Variants in MME observed in about 807,000 individuals in gnomAD.
MME encodes the protein neprilysin.
In MME, 98 loss-of-function variants were observed where a neutral mutation model predicts 113.2. The observed-to-expected ratio is 0.87, with a 90% CI of 0.74 to 1.02. The LOEUF (loss-of-function observed/expected upper bound fraction) is 1.02, where lower values mean the gene tolerates loss of function less well. MME is among the 50% of genes least tolerant of loss of function. The pLI is 0.00. For synonymous variants in MME, 292 were observed against 300.6 expected (o/e 0.97, Z 0.30); for missense variants, 836 against 896.0 (o/e 0.93, Z 0.86).
intron 1 of MME, among the ~76,000 whole-genome samples, chr3:155,038,269 G>A (rs1713191929): frequency 6.6e-6 from 1 of 152,152 alleles, no homozygotes; most frequent in African/African-American, 2.4e-5. Context: ...CTTAGGCCAT[G>A]GCAGGACTAC....
At chr3:155,053,935 A>G (rs1445479287) in intron 1 of MME, among the ~76,000 whole-genome samples, 1 of 152,204 alleles carries the variant, frequency 6.6e-6, no homozygotes, top group Non-Finnish European at 1.5e-5. Flanking sequence ...CTTGCTTCAA[A>G]CCAGTAACCC....
chr3:155,132,867 A>G (rs2108292640), intron 8 of MME, among the ~76,000 whole-genome samples: 1 of 151,428 alleles, frequency 6.6e-6, no homozygotes, highest in East Asian at 1.9e-4. Context: ...CAGCCTGACC[A>G]ACGTAGTGAA....
At chr3:155,044,382 C>T (rs528977614) in intron 1 of MME, among the ~76,000 whole-genome samples, 1 of 152,134 alleles carries the variant, frequency 6.6e-6, no homozygotes, top group South Asian at 2.1e-4. Flanking sequence ...ATCCACCTGC[C>T]TCGGCCTCCC....
chr3:155,079,452 GGGAA>G (rs1714916067), upstream of MME, among the ~76,000 whole-genome samples: 1 of 152,096 alleles, frequency 6.6e-6, no homozygotes, highest in African/African-American at 2.4e-5. Context: ...AAGCCCTTTT[GGGAA>G]TGGTGAGATG....
chr3:155,084,276 C>T lies in MME; in HGVS notation c.109C>T (p.Leu37Phe). The T allele has an allele frequency of 6.2e-7, 1 of 1,614,182 alleles. No individual in the cohort carries two copies. The highest frequency in any genetic ancestry group is 2.2e-5 in the East Asian group (1 of 44,874). Reference protein sequence around the residue: ...LEISLSVLVLLLTIIAVTMIA... With the variant: ...LEISLSVLVLFLTIIAVTMIA... ...GATCAGCCTCTCGGTCCTTGTCCTG[C>T]TCCTCACCATCATAGCTGTGACAAT... Residue 37 changes from leucine to phenylalanine, a missense_variant, in exon 2 of 23, where the codon CTC (leucine) becomes TTC (phenylalanine). By Grantham distance (22) the Leu-to-Phe change is conservative. Transcript: ENST00000360490.
At chr3:155,046,617 G>A (rs993637277) in intron 1 of MME, among the ~76,000 whole-genome samples, 8 of 152,180 alleles carry the variant, frequency 5.3e-5, no homozygotes, top group African/African-American at 1.9e-4. Flanking sequence ...TTGAACCCAG[G>A]AGGCAGAGGT....
intron 22 of MME, among the ~76,000 whole-genome samples, 182 bp downstream of exon 22, chr3:155,172,794 T>C (rs61760410): frequency 0.021 from 3,251 of 151,642 alleles, 74 homozygotes; most frequent in East Asian, 0.12. Flanking sequence ...AAGCATAGCC[T>C]TGGCCACTCT....
chr3:155,148,562 G>C lies in MME; in HGVS notation c.1510G>C (p.Glu504Gln). ...NNEYLELNYK[E>Q]DEYFENIIQN... is the part of the protein sequence containing the mutation. ...CTTTATAATACAGTTGAACTACAAA[G>C]AAGATGAATACTTCGAGAACATAAT... Residue 504 changes from glutamate to glutamine, a missense_variant, in exon 16 of 23, where the codon GAA (glutamate) becomes CAA (glutamine). Physicochemically the swap from Glu to Gln is conservative, Grantham distance 29 (BLOSUM62 2). Transcript: ENST00000360490. 6.2e-7 allele frequency: 1 copy of C among 1,603,154 alleles called. No homozygotes were observed.
At chr3:155,044,353 G>A (rs1713471547) in intron 1 of MME, among the ~76,000 whole-genome samples, 3 of 151,648 alleles carry the variant, frequency 2.0e-5, no homozygotes, top group Non-Finnish European at 4.4e-5. Flanking sequence ...GGCTGGTCTT[G>A]AACTCCTGAT....
At chr3:155,150,580 G>A (rs2108329762) in intron 16 of MME, among the ~76,000 whole-genome samples, 1 of 152,156 alleles carries the variant, frequency 6.6e-6, no homozygotes, top group East Asian at 1.9e-4. Flanking sequence ...CAAAACTCTA[G>A]CTGCACATGA....
intron 14 of MME, among the ~76,000 whole-genome samples, chr3:155,144,917 T>C (rs1721390748): frequency 6.6e-6 from 1 of 152,182 alleles, no homozygotes; most frequent in Admixed American, 6.5e-5. Context: ...GGGGAACATG[T>C]CCTGTGAAAA....
At position 155,174,325 on chromosome 3, in the gene MME, C is replaced by CGTGTGT. The variant is rs3839085; in HGVS notation, c.2153+1763_2153+1768dup. ...TATTTTTCATTCATAACAACAGAAG[C>CGTGTGT]GTGTGTGTGTGTGTGTGTGTGTGTG... On this transcript the variant is annotated intron_variant, in intron 22 of 22. Coordinates refer to ENST00000360490, the MANE Select transcript of MME (RefSeq NM_007289.4). Among the ~76,000 whole-genome samples, 603 of 110,310 alleles carry CGTGTGT rather than the reference C, an allele frequency of 5.5e-3. 7 individuals are homozygous for CGTGTGT. The highest frequency in any genetic ancestry group is 9.8e-3 in the East Asian group (38 of 3,884). The allele number at this position is 110,310 out of a possible 152,430, so 72.4% of individuals were successfully genotyped here. A position where few individuals can be genotyped will look rare whatever the true frequency, so the allele number is the denominator to read the frequency against.
At chr3:155,026,769 C>T (rs1712800940) in intron 1 of MME, among the ~76,000 whole-genome samples, 1 of 152,100 alleles carries the variant, frequency 6.6e-6, no homozygotes, top group Non-Finnish European at 1.5e-5. Context: ...AAAAAGAAGC[C>T]TCTTAAGTAA....
intron 9 of MME, among the ~76,000 whole-genome samples, chr3:155,139,903 T>G (rs952418600): frequency 9.2e-5 from 14 of 152,192 alleles, no homozygotes; most frequent in Admixed American, 3.3e-4. Context: ...CCATTAGCCA[T>G]AGCTCATAAA....
chr3:155,048,208 C>T (rs968182698), intron 1 of MME, among the ~76,000 whole-genome samples: 1 of 152,092 alleles, frequency 6.6e-6, no homozygotes, highest in Admixed American at 6.6e-5. Flanking sequence ...CTAATTTTCT[C>T]CTTCCTAAGA....
chr3:155,131,508 C>A (rs1441394191), intron 8 of MME, among the ~76,000 whole-genome samples: 1 of 152,140 alleles, frequency 6.6e-6, no homozygotes, highest in African/African-American at 2.4e-5. Context: ...GGCTTTTAAA[C>A]ATGAGATTTA....
At chr3:155,134,765 G>A (rs1315395654) in intron 8 of MME, among the ~76,000 whole-genome samples, 2 of 152,138 alleles carry the variant, frequency 1.3e-5, no homozygotes, top group African/African-American at 4.8e-5. Flanking sequence ...CAGTGTATAA[G>A]TGTTCCCTTT....
intron 3 of MME, among the ~76,000 whole-genome samples, chr3:155,086,868 G>T (rs143619025): frequency 3.9e-5 from 6 of 152,252 alleles, no homozygotes; most frequent in East Asian, 3.9e-4. Context: ...GCAGTATTGT[G>T]ATCACAGCTT....
intron 1 of MME, among the ~76,000 whole-genome samples, chr3:155,037,326 T>C (rs1306542629): frequency 6.6e-6 from 1 of 152,210 alleles, no homozygotes; most frequent in Non-Finnish European, 1.5e-5. Context: ...TCTCACAAAA[T>C]TGCTCGGTAG....
Sources: allele counts gnomAD v4.1 joint callset (sites outside exome capture counted in the v4.1 genomes callset), GRCh38; gene constraint gnomAD v4.1.1; transcripts MANE v1.5; gene names NCBI Gene and HGNC (gene_info 2026-07-23, HGNC 2026-07-21).